The following AVEN variants were observed in gnomAD, a reference collection of about 807,000 sequenced individuals.
The protein encoded by AVEN is cell death regulator Aven.
Under a neutral mutation model 38.1 loss-of-function variants are expected in AVEN, and 41 were observed. That is an observed-to-expected ratio of 1.08 (90% CI 0.84 to 1.40). The LOEUF (loss-of-function observed/expected upper bound fraction) is 1.40, where lower values mean the gene tolerates loss of function less well. Ranked by LOEUF, AVEN falls within the 40% of genes most tolerant of loss-of-function variation. The pLI, the probability that AVEN is intolerant of heterozygous loss-of-function variation, is 0.00. For synonymous variants in AVEN, 206 were observed against 171.8 expected, an observed-to-expected ratio of 1.20 and a Z score of -1.56; for missense variants, 605 against 438.8, an observed-to-expected ratio of 1.38 and a Z score of -3.38.
intron 2 of AVEN, among the ~76,000 whole-genome samples, chr15:33,992,355 A>C (rs1310119280): frequency 1.3e-5 from 2 of 151,752 alleles, no homozygotes; most frequent in Admixed American, 6.6e-5. Context: ...GCGCCACTGC[A>C]CTCCAGCCTG....
intron 2 of AVEN, among the ~76,000 whole-genome samples, chr15:33,879,574 T>C (rs1029645046): frequency 2.0e-5 from 3 of 151,972 alleles, no homozygotes; most frequent in African/African-American, 7.2e-5. Context: ...AAAAAGAAGA[T>C]AGTGAAGCAA....
At chr15:34,064,002 C>T (rs772971999) in intron 4 of AVEN, 6 of 1,614,176 alleles carry the variant, frequency 3.7e-6, no homozygotes, top group East Asian at 2.2e-5. Context: ...AATGACCAAA[C>T]GAAAGAGAGT....
At chr15:33,877,396 AG>A (rs1246798839) in intron 2 of AVEN, among the ~76,000 whole-genome samples, 1 of 152,278 alleles carries the variant, frequency 6.6e-6, no homozygotes, top group Non-Finnish European at 1.5e-5. Flanking sequence ...GATAATCTGA[AG>A]AAACAATGCT....
At chr15:34,021,264 A>C (rs1055277431) in intron 1 of AVEN, among the ~76,000 whole-genome samples, 11 of 150,190 alleles carry the variant, frequency 7.3e-5, no homozygotes, top group African/African-American at 1.2e-4. Flanking sequence ...ACACCACCCC[A>C]CTCAGCTAAA....
chr15:33,900,546 C>G (rs1892449225), intron 2 of AVEN, among the ~76,000 whole-genome samples: 2 of 151,870 alleles, frequency 1.3e-5, no homozygotes, highest in South Asian at 2.1e-4. Flanking sequence ...GGCTCAAGAG[C>G]TCTGCCCACC....
At position 34,063,954 on chromosome 15, in the gene AVEN, C is replaced by T. The variant is rs200142699; in HGVS notation, n.1127-522G>A. ...CTGCCCCTTCCCAGTGGCCAAGGAA[C>T]CTTCAACGAAAGGCCTCAATCCCAA... On this transcript the variant is annotated intron_variant and non_coding_transcript_variant, in intron 4 of 11. Transcript: ENST00000675287. The surrounding 1 kb of genome is among the most constrained non-coding windows in gnomAD (Gnocchi z 4.1). 3 of 1,614,126 alleles carry T rather than the reference C, an allele frequency of 1.9e-6. No homozygotes were observed. The highest frequency in any genetic ancestry group is 2.5e-6 in the Non-Finnish European group (3 of 1,180,022).
chr15:33,976,908 G>C (rs1196169429), intron 2 of AVEN, among the ~76,000 whole-genome samples: 2 of 152,070 alleles, frequency 1.3e-5, no homozygotes, highest in African/African-American at 2.4e-5. Context: ...GCCTCCTGTG[G>C]TATAGTGACA....
the AVEN span, chr15:33,851,991 A>G: frequency 2.2e-4 from 33 of 152,034 alleles, no homozygotes; most frequent in Admixed American, 2.2e-3. Context: ...AAGACAAAGA[A>G]ACTGCTTTAA....
At chr15:33,854,858 G>A, downstream of AVEN, 1 of 1,613,756 alleles carries the variant, frequency 6.2e-7, no homozygotes, top group Non-Finnish European at 8.5e-7. Context: ...ACATCGCAAT[G>A]GGCTTCAAGA....
intron 3 of AVEN, among the ~76,000 whole-genome samples, chr15:33,874,762 G>C (rs114370292): frequency 0.028 from 4,261 of 152,246 alleles, 202 homozygotes; most frequent in African/African-American, 0.096. Context: ...TAGTAAACAA[G>C]TGCTCTATGT....
At chr15:33,904,520 T>TCCC (rs975959410) in intron 2 of AVEN, among the ~76,000 whole-genome samples, 12 of 151,976 alleles carry the variant, frequency 7.9e-5, no homozygotes, top group African/African-American at 2.9e-4. Context: ...CAAACGATTC[T>TCCC]CCTGCCTCAG....
intron 1 of AVEN, chr15:34,006,960 G>A: frequency 3.4e-6 from 2 of 590,836 alleles, no homozygotes. Context: ...CAGAAAACAA[G>A]GTGAAAACTA....
upstream of AVEN, among the ~76,000 whole-genome samples, chr15:34,042,182 A>C (rs1300921250): frequency 6.6e-6 from 1 of 152,204 alleles, no homozygotes; most frequent in Non-Finnish European, 1.5e-5. Flanking sequence ...TGGATTGCAT[A>C]AATAACAAAG....
intron 1 of AVEN, among the ~76,000 whole-genome samples, chr15:34,030,373 T>C (rs1898721351): frequency 6.6e-6 from 1 of 152,066 alleles, no homozygotes; most frequent in Non-Finnish European, 1.5e-5. Flanking sequence ...TGAGACGGAG[T>C]CTTGCTCTGT....
At chr15:33,933,057 A>G (rs1276820621) in intron 2 of AVEN, among the ~76,000 whole-genome samples, 1 of 152,198 alleles carries the variant, frequency 6.6e-6, no homozygotes, top group Non-Finnish European at 1.5e-5. Context: ...GATCCCATTC[A>G]AAAATGTTTG....
At chr15:34,067,327 T>C (rs759675263) in intron 2 of AVEN, 8 of 152,240 alleles carry the variant, frequency 5.3e-5, no homozygotes, top group Non-Finnish European at 8.8e-5. Context: ...GTGAAATCTG[T>C]ACCCAAACCT....
chr15:33,974,368 A>C (rs912255550), intron 2 of AVEN, among the ~76,000 whole-genome samples: 1 of 152,196 alleles, frequency 6.6e-6, no homozygotes, highest in African/African-American at 2.4e-5. Flanking sequence ...GTGAGGAATG[A>C]ATCTTTGCAA....
chr15:34,038,255 AG>A (rs915757365), intron 1 of AVEN, among the ~76,000 whole-genome samples: 2 of 152,206 alleles, frequency 1.3e-5, no homozygotes, highest in African/African-American at 4.8e-5. Flanking sequence ...GTCCAGTCGT[AG>A]GGGTCATTCT....
intron 5 of AVEN, among the ~76,000 whole-genome samples, chr15:34,052,859 T>TG (rs1337698917): frequency 6.6e-6 from 1 of 151,948 alleles, no homozygotes; most frequent in Non-Finnish European, 1.5e-5. Context: ...CACAAACAAA[T>TG]GGAAAAACAT....
Sources: allele counts gnomAD v4.1 joint callset (sites outside exome capture counted in the v4.1 genomes callset), GRCh38; gene constraint gnomAD v4.1.1; non-coding constraint Gnocchi (gnomAD v3.1); transcripts MANE v1.5; gene names NCBI Gene and HGNC (gene_info 2026-07-23, HGNC 2026-07-21).